The following KIAA0930 variants were observed in gnomAD, a reference collection of about 807,000 sequenced individuals.
KIAA0930 encodes the protein uncharacterized protein KIAA0930.
In KIAA0930, 24 loss-of-function variants were observed where a neutral mutation model predicts 43.9. The ratio of observed to expected loss-of-function variants is 0.55; its 90% CI spans 0.40 to 0.77. The LOEUF is 0.77. Among genes scored for constraint, KIAA0930 ranks in the 30% least tolerant of loss-of-function variants. KIAA0930 has a pLI of 0.00. For synonymous variants in KIAA0930, 259 were observed against 216.4 expected (o/e 1.20, Z -1.73); for missense variants, 461 against 574.2 (o/e 0.80, Z 2.02).
At chr22:45,204,104 G>A (rs2083614752) in intron 5 of KIAA0930, 119 bp from the exon 6 acceptor site, 1 of 1,316,772 alleles carries the variant, frequency 7.6e-7, no homozygotes, top group East Asian at 2.4e-5. Flanking sequence ...GGGACAACCG[G>A]CTGTCACACA....
intron 1 of KIAA0930, among the ~76,000 whole-genome samples, chr22:45,223,859 G>T (rs1040376446): frequency 6.6e-6 from 1 of 151,354 alleles, no homozygotes; most frequent in Non-Finnish European, 1.5e-5. Context: ...GAGCACCCAG[G>T]ATCAGCACCA....
At chr22:45,223,871 A>G (rs1327427039) in intron 1 of KIAA0930, among the ~76,000 whole-genome samples, 1 of 146,744 alleles carries the variant, frequency 6.8e-6, no homozygotes, top group East Asian at 2.0e-4. Flanking sequence ...TCAGCACCAG[A>G]TAAGCACCCA....
chr22:45,209,679 C>A (rs1159214392), intron 2 of KIAA0930, among the ~76,000 whole-genome samples: 1 of 152,230 alleles, frequency 6.6e-6, no homozygotes, highest in Admixed American at 6.5e-5. Flanking sequence ...CTGGCCATAC[C>A]GTCTGTCTAT....
At chr22:45,205,965 T>G in intron 2 of KIAA0930, 53 bp from the exon 3 acceptor site, 1 of 1,600,666 alleles carries the variant, frequency 6.2e-7, no homozygotes, top group South Asian at 1.1e-5. Context: ...GGTGCTCTTC[T>G]TCTTCCCTGA....
chr22:45,238,875 G>GCTCT (rs141242172), intron 1 of KIAA0930, among the ~76,000 whole-genome samples: 5,084 of 145,446 alleles, frequency 0.035, 262 homozygotes, highest in East Asian at 0.18. Flanking sequence ...CCCTGGGCAG[G>GCTCT]CTCTCTCTCT....
At position 45,199,879 on chromosome 22, in the gene KIAA0930, C is replaced by T. The variant is rs201114392; in HGVS notation, c.1009G>A (p.Gly337Ser). 73 of 1,577,132 alleles carry T rather than the reference C, an allele frequency of 4.6e-5. 1 individual carries two copies. The highest frequency in any genetic ancestry group is 2.1e-4 in the Admixed American group (12 of 57,308). The change falls in exon 8 of 10, where the codon GGT (glycine) becomes AGT (serine). Residue 337 changes from glycine to serine, a missense_variant. Transcript: ENST00000336156. ...GCACGGAGTGGGGGGTCACCTCCAC[C>T]GTCGTCCTCCCGGAAGAACTCCTCG... ...DSEEFFREDDGGADLHNATNL... is the reference protein window; with the variant it reads ...DSEEFFREDDSGADLHNATNL...
At chr22:45,212,294 AC>A in intron 1 of KIAA0930, 187 bp from the exon 2 acceptor site, 2 of 1,612,520 alleles carry the variant, frequency 1.2e-6, no homozygotes, top group Non-Finnish European at 1.7e-6. Context: ...GCTGGAGGAC[AC>A]CTCCCAGGAG....
At chr22:45,212,242 C>T (rs778148826) in intron 1 of KIAA0930, 135 bp from the exon 2 acceptor site, 1 of 1,612,758 alleles carries the variant, frequency 6.2e-7, no homozygotes. Context: ...CGCCACCCTT[C>T]CCTCACCACT....
chr22:45,227,391 G>GCTCTGC (rs1233472760), intron 1 of KIAA0930, among the ~76,000 whole-genome samples: 5 of 152,078 alleles, frequency 3.3e-5, no homozygotes, highest in Non-Finnish European at 1.5e-5. Context: ...AGGGGGCTGG[G>GCTCTGC]CTCTGCCTCG....
intron 8 of KIAA0930, 79 bp from the exon 9 acceptor site, chr22:45,198,027 G>A (rs1238590696): frequency 6.8e-7 from 1 of 1,462,380 alleles, no homozygotes; most frequent in Non-Finnish European, 9.5e-7. Context: ...TCCCAGTCCA[G>A]GCTGAGGCCA....
Position 45,205,632 on chromosome 22 carries a change from G to A in KIAA0930, c.412C>T (p.Gln138Ter), listed in dbSNP as rs1394266437. ...GGGGCTCTCGTGCCAGGGCTCACCTGAGATTTCTTCTTATGGATGTGAATG... is the reference window on the plus strand; with the variant it reads ...GGGGCTCTCGTGCCAGGGCTCACCTAAGATTTCTTCTTATGGATGTGAATG... ...GDIHIHKKKSQQVFASPSKHP... is the reference protein window; with the variant it reads ...GDIHIHKKKS The change falls in exon 4 of 10, where the codon CAG becomes TAG. Residue 138 changes from glutamine (Q) to a stop codon, truncating the protein, a stop_gained and splice_region_variant. Coordinates refer to ENST00000336156, the MANE Select transcript of KIAA0930 (RefSeq NM_001009880.2). LOFTEE classifies it high-confidence loss of function. The A allele has an allele frequency of 6.2e-7, 1 of 1,613,848 alleles. No homozygotes were observed. The highest frequency in any genetic ancestry group is 1.1e-5 in the South Asian group (1 of 91,070).
chr22:45,233,186 G>A (rs971960337), intron 1 of KIAA0930, among the ~76,000 whole-genome samples: 1 of 152,096 alleles, frequency 6.6e-6, no homozygotes, highest in African/African-American at 2.4e-5. Context: ...CAGAGGGAAC[G>A]AATGAATTAC....
At chr22:45,225,973 C>T (rs1006795852) in intron 1 of KIAA0930, among the ~76,000 whole-genome samples, 1 of 152,386 alleles carries the variant, frequency 6.6e-6, no homozygotes, top group East Asian at 1.9e-4. Flanking sequence ...TGGCTCCACA[C>T]TGCAGGCTTG....
In KIAA0930 at chr22:45,200,015, G is replaced by T. The variant is rs769465989; in HGVS notation, c.873C>A (p.Pro291=). The T allele has an allele frequency of 3.1e-6, 5 of 1,597,480 alleles. No homozygotes were observed. In the East Asian group the frequency reaches 9.3e-5, roughly 30 times the overall value. The change falls in exon 8 of 10, where the codon CCC becomes CCA. Residue 291 remains proline (P), a synonymous_variant. Coordinates refer to ENST00000336156, the MANE Select transcript of KIAA0930 (RefSeq NM_001009880.2). ...GCCGGTTGTTCCGTTCTGGGGTGGG[G>T]GGTGTGCTGAAGGAGGTCACCTGGG... The part of the protein sequence containing the change: ...MHERVTSFST[P]PTPERNNRPA...
chr22:45,224,304 C>T (rs886862754), intron 1 of KIAA0930, among the ~76,000 whole-genome samples: 3 of 152,188 alleles, frequency 2.0e-5, no homozygotes, highest in Admixed American at 2.0e-4. Flanking sequence ...GATCCTCATC[C>T]CGCAAATAAA....
intron 2 of KIAA0930, among the ~76,000 whole-genome samples, chr22:45,208,436 C>CCA (rs144157571): frequency 2.3e-3 from 209 of 89,740 alleles, no homozygotes; most frequent in East Asian, 5.9e-3. Flanking sequence ...ACAGGCAGAA[C>CCA]CCAACTCCAC....
chr22:45,212,335 A>G lies in KIAA0930; in HGVS notation c.65-228T>C, dbSNP rs759417249. 3.1e-6 allele frequency: 5 copies of G among 1,611,906 alleles called. No homozygotes were observed. In the Admixed American group the frequency reaches 5.0e-5, roughly 16 times the overall value. ...AGTTCCTCCACTCAGCAGCAGCCTG[A>G]GAGCCCATGCTCCCAGCCCCACAGC... On this transcript the variant is annotated intron_variant, in intron 1 of 9. Coordinates refer to ENST00000336156, the MANE Select transcript of KIAA0930 (RefSeq NM_001009880.2).
In KIAA0930 at chr22:45,211,972, C is replaced by A. The variant is rs1225753799; in HGVS notation, c.200G>T (p.Gly67Val). The A allele has an allele frequency of 1.5e-5, 24 of 1,612,240 alleles. No individual in the cohort carries two copies. Among genetic ancestry groups the A allele is most frequent in the Non-Finnish European group, 1.9e-5 (23 of 1,180,014 alleles). ...GTCACTCACCTTCCTCCCGTCTGCA[C>A]CGCTTTCGCTGCCGGAGTACGCCAG... ...RKLAYSGSES[G>V]ADGRKAAEPE... Residue 67 changes from glycine (G) to valine (V), a missense_variant, in exon 2 of 10, where the codon GGT becomes GTT. Transcript: ENST00000336156.
intron 2 of KIAA0930, among the ~76,000 whole-genome samples, chr22:45,206,450 A>G (rs2083638685): frequency 2.0e-5 from 3 of 152,188 alleles, no homozygotes; most frequent in Non-Finnish European, 2.9e-5. Flanking sequence ...AAGTTGTCAT[A>G]ATGATTTAAA....
Sources: gnomAD v4.1 joint callset for allele counts (sites outside exome capture counted in the v4.1 genomes callset) on GRCh38, gnomAD v4.1.1 for gene constraint, MANE v1.5 for transcripts, NCBI Gene and HGNC (gene_info 2026-07-23, HGNC 2026-07-21) for gene names.